The following FAT3 variants were observed in gnomAD, a reference collection of about 807,000 sequenced individuals.
FAT3 encodes the protein FAT atypical cadherin 3.
Under a neutral mutation model 310.2 loss-of-function variants are expected in FAT3, and 95 were observed. That is an observed-to-expected ratio of 0.31 (90% CI 0.26 to 0.36). The LOEUF (loss-of-function observed/expected upper bound fraction) is 0.36, where lower values mean the gene tolerates loss of function less well. FAT3 is among the 10% of genes least tolerant of loss of function. The probability of loss-of-function intolerance (pLI) is 1.00; values close to 1 mark genes in which losing one functional copy is unlikely to be tolerated. For missense variants in FAT3, 5,408 were observed against 5,715.6 expected (o/e 0.95, Z 1.74); for synonymous variants, 2,314 against 2,192.9 (o/e 1.06, Z -1.54).
chr11:92,298,386 A>T (rs1310517769), intron 1 of FAT3, among the ~76,000 whole-genome samples: 2 of 152,122 alleles, frequency 1.3e-5, no homozygotes, highest in African/African-American at 4.8e-5. Flanking sequence ...CATGGGTCCC[A>T]TTCCTTTGGA....
At chr11:92,716,865 A>G (rs1944705770) in intron 4 of FAT3, among the ~76,000 whole-genome samples, 1 of 152,232 alleles carries the variant, frequency 6.6e-6, no homozygotes, top group Admixed American at 6.5e-5. Flanking sequence ...CAACTGATAG[A>G]ACATTTGCAT....
intron 25 of FAT3, 44 bp downstream of exon 25, chr11:92,887,157 C>G (rs142857230): frequency 1.3e-6 from 2 of 1,524,196 alleles, no homozygotes; most frequent in Non-Finnish European, 1.8e-6. Context: ...GGTTCTGCTT[C>G]CTGTTCTGGA....
At chr11:92,645,040 T>C (rs1942098815) in intron 3 of FAT3, among the ~76,000 whole-genome samples, 1 of 109,064 alleles carries the variant, frequency 9.2e-6, no homozygotes, top group South Asian at 2.5e-4. Flanking sequence ...CCAAAAAGTG[T>C]TTTTTTGATA....
intron 7 of FAT3, among the ~76,000 whole-genome samples, chr11:92,780,306 G>T (rs1460914535): frequency 6.6e-6 from 1 of 151,828 alleles, no homozygotes; most frequent in Non-Finnish European, 1.5e-5. Context: ...GACACTATAG[G>T]CATGTACCAC....
At chr11:92,507,358 T>C (rs544998297) in intron 2 of FAT3, among the ~76,000 whole-genome samples, 1 of 152,234 alleles carries the variant, frequency 6.6e-6, no homozygotes, top group African/African-American at 2.4e-5. Context: ...TGTAGTTGCT[T>C]ATTTGGTTAT....
chr11:92,614,695 A>C (rs1940719817), intron 3 of FAT3, among the ~76,000 whole-genome samples: 1 of 152,234 alleles, frequency 6.6e-6, no homozygotes, highest in African/African-American at 2.4e-5. Context: ...TATTTGAAGA[A>C]AAAAAGTTTT....
At chr11:92,241,159 C>G (rs1864656634) in intron 1 of FAT3, among the ~76,000 whole-genome samples, 1 of 152,112 alleles carries the variant, frequency 6.6e-6, no homozygotes, top group Non-Finnish European at 1.5e-5. Context: ...GCCAAACTTA[C>G]TAAGCATTCA....
chr11:92,601,156 T>C (rs1309863712), intron 3 of FAT3, among the ~76,000 whole-genome samples: 1 of 151,992 alleles, frequency 6.6e-6, no homozygotes, highest in Non-Finnish European at 1.5e-5. Context: ...GTCAACTGTT[T>C]TTTAAAAGAT....
chr11:92,697,908 A>G (rs1414898484), intron 4 of FAT3, among the ~76,000 whole-genome samples: 2 of 152,216 alleles, frequency 1.3e-5, no homozygotes, highest in Non-Finnish European at 2.9e-5. Flanking sequence ...TGCTGAAACC[A>G]TAAAATGGAC....
chr11:92,839,609 G>T (rs1348015503), intron 17 of FAT3, among the ~76,000 whole-genome samples: 2 of 152,044 alleles, frequency 1.3e-5, no homozygotes, highest in Non-Finnish European at 2.9e-5. Context: ...AACTTGACTG[G>T]GCCTGCCCTC....
chr11:92,709,806 G>T (rs943526375), intron 4 of FAT3, among the ~76,000 whole-genome samples: 1 of 152,194 alleles, frequency 6.6e-6, no homozygotes, highest in Non-Finnish European at 1.5e-5. Context: ...TTCTCCCACC[G>T]CATCCCAGTC....
At chr11:92,379,140 A>G (rs1288398895) in intron 2 of FAT3, among the ~76,000 whole-genome samples, 4 of 152,144 alleles carry the variant, frequency 2.6e-5, no homozygotes, top group African/African-American at 9.7e-5. Flanking sequence ...CTCTTTAAAA[A>G]TATTCTGTTT....
chr11:92,528,426 G>A (rs1953950154), intron 3 of FAT3, among the ~76,000 whole-genome samples: 1 of 152,158 alleles, frequency 6.6e-6, no homozygotes, highest in African/African-American at 2.4e-5. Flanking sequence ...TCGCTCAGTC[G>A]CCCAGGCTGG....
chr11:92,715,437 A>T (rs1004453065), intron 4 of FAT3, among the ~76,000 whole-genome samples: 3 of 151,798 alleles, frequency 2.0e-5, no homozygotes, highest in South Asian at 2.1e-4. Context: ...TAAAAATAAA[A>T]AATTAATTAA....
intron 3 of FAT3, among the ~76,000 whole-genome samples, chr11:92,670,885 C>T (rs896518499): frequency 2.0e-5 from 3 of 152,138 alleles, no homozygotes; most frequent in Admixed American, 6.5e-5. Context: ...CCCAGGCTGA[C>T]AATCAGTCAT....
intron 3 of FAT3, among the ~76,000 whole-genome samples, chr11:92,652,399 G>T (rs1211987649): frequency 6.6e-6 from 1 of 152,130 alleles, no homozygotes; most frequent in East Asian, 1.9e-4. Flanking sequence ...TTCTTTTAAG[G>T]CCATAAAACT....
rs201505037 is a variant in FAT3, at chr11:92,252,897, AG to A, written c.-18+27725del. 7.4e-3 allele frequency among the ~76,000 whole-genome samples: 1,125 copies of A among 152,232 alleles called. 20 individuals are homozygous for A. The highest frequency in any genetic ancestry group is 0.026 in the African/African-American group (1,064 of 41,552). On this transcript the variant is annotated intron_variant, in intron 1 of 27. Coordinates refer to ENST00000525166, the MANE Select transcript of FAT3 (RefSeq NM_001367949.2). ...AGCCCCACCAGCAAAACTGCTGAAAAGGCATCTCTTCATCAGGCCCCCATCC... is the reference window on the plus strand; with the variant it reads ...AGCCCCACCAGCAAAACTGCTGAAAAGCATCTCTTCATCAGGCCCCCATCC...
At chr11:92,521,148 T>G (rs1177005544) in intron 2 of FAT3, among the ~76,000 whole-genome samples, 1 of 152,134 alleles carries the variant, frequency 6.6e-6, no homozygotes, top group East Asian at 1.9e-4. Flanking sequence ...TTGGTGTGTG[T>G]GTGTGTGCGT....
At chr11:92,474,365 A>G (rs1427102012) in intron 2 of FAT3, among the ~76,000 whole-genome samples, 6 of 152,214 alleles carry the variant, frequency 3.9e-5, no homozygotes, top group African/African-American at 1.4e-4. Flanking sequence ...ATGAAATACA[A>G]AGGGTAATGA....
Sources: gnomAD v4.1 joint callset for allele counts (sites outside exome capture counted in the v4.1 genomes callset) on GRCh38, gnomAD v4.1.1 for gene constraint, MANE v1.5 for transcripts, NCBI Gene and HGNC (gene_info 2026-07-23, HGNC 2026-07-21) for gene names.